Variants in PDE3A observed in about 807,000 individuals in gnomAD.
PDE3A encodes the protein cGMP-inhibited 3',5'-cyclic phosphodiesterase 3A.
PDE3A carries 43 observed loss-of-function variants against 98.3 expected under a neutral mutation model. The observed-to-expected ratio is 0.44, with a 90% CI of 0.34 to 0.56. The LOEUF is 0.56. Ranked by LOEUF, PDE3A falls within the 20% of genes least tolerant of loss-of-function variation. PDE3A has a pLI of 0.01. For synonymous variants in PDE3A, 663 were observed against 567.9 expected (o/e 1.17, Z -2.38); for missense variants, 1,427 against 1,440.7 (o/e 0.99, Z 0.15).
intron 2 of PDE3A, among the ~76,000 whole-genome samples, chr12:20,602,152 A>G (rs1053872983): frequency 1.3e-5 from 2 of 152,194 alleles, no homozygotes; most frequent in African/African-American, 4.8e-5. Context: ...TTTGTACTTA[A>G]CCAAGCCTTC....
rs11613220 is a variant in PDE3A at position 20,510,169 on chromosome 12, T to A, written c.961-46491T>A. 1.7e-3 allele frequency among the ~76,000 whole-genome samples: 251 copies of A among 152,030 alleles called. 2 individuals carry two copies. The highest frequency in any genetic ancestry group is 5.9e-3 in the African/African-American group (243 of 41,520). On this transcript the variant is annotated intron_variant, in intron 1 of 15. Coordinates refer to ENST00000359062, the MANE Select transcript of PDE3A (RefSeq NM_000921.5). ...TTTCTTCTAAATTTTTTCATTTAGC[T>A]GATTTTTAACATAGTTCTTTAATAC... is the stretch of plus-strand genomic sequence containing the variant.
At chr12:20,493,511 C>G (rs1014887869) in intron 1 of PDE3A, among the ~76,000 whole-genome samples, 2 of 152,164 alleles carry the variant, frequency 1.3e-5, no homozygotes, top group African/African-American at 2.4e-5. Flanking sequence ...GGTCCTAGAG[C>G]AAATTCCCCT....
intron 1 of PDE3A, among the ~76,000 whole-genome samples, chr12:20,473,151 A>C (rs1945469767): frequency 6.6e-6 from 1 of 152,188 alleles, no homozygotes; most frequent in African/African-American, 2.4e-5. Flanking sequence ...TTGAATTATG[A>C]ATATTATGCA....
chr12:20,503,507 T>C (rs1946060422), intron 1 of PDE3A, among the ~76,000 whole-genome samples: 1 of 152,082 alleles, frequency 6.6e-6, no homozygotes, highest in Non-Finnish European at 1.5e-5. Context: ...AAAAATTCCA[T>C]CAGTCAGAAA....
intron 15 of PDE3A, among the ~76,000 whole-genome samples, chr12:20,667,995 C>T (rs150945915): frequency 0.053 from 8,072 of 152,100 alleles, 414 homozygotes; most frequent in Middle Eastern, 0.18. Context: ...GTGCGCGCAC[C>T]GTGCGCGAGC....
In PDE3A at chr12:20,684,126, GT is replaced by G. The variant is rs1945882784; in HGVS notation, c.*3856del. ...TAATTTATAAAAGTGAACTAATTGT[GT>G]GATTATCAAATCCTGATTAATGAGA... On this transcript the variant is annotated 3_prime_UTR_variant, in exon 16 of 16. Coordinates refer to ENST00000359062, the MANE Select transcript of PDE3A (RefSeq NM_000921.5). The G allele has an allele frequency of 6.6e-6, 1 of 152,092 alleles. No individual in the cohort carries two copies. Among genetic ancestry groups the G allele is most frequent in the South Asian group, 2.1e-4 (1 of 4,822 alleles). 9.4% of individuals were successfully genotyped at this position (152,092 alleles called of 1,614,324 possible).
chr12:20,607,824 TTG>T (rs1228303568), intron 2 of PDE3A, among the ~76,000 whole-genome samples: 1 of 152,150 alleles, frequency 6.6e-6, no homozygotes, highest in Non-Finnish European at 1.5e-5. Flanking sequence ...TGGTTTCAGA[TTG>T]TTAGTTTTAA....
At chr12:20,677,260 G>A (rs1945665254) in intron 15 of PDE3A, among the ~76,000 whole-genome samples, 1 of 151,890 alleles carries the variant, frequency 6.6e-6, no homozygotes, top group African/African-American at 2.4e-5. Context: ...CTGAGTTGTA[G>A]TCTATCTCAC....
At position 20,382,454 on chromosome 12, in the gene PDE3A, A is replaced by G. The variant is rs527711556; in HGVS notation, c.960+12210A>G. On this transcript the variant is annotated intron_variant, in intron 1 of 15. Coordinates refer to ENST00000359062, the MANE Select transcript of PDE3A (RefSeq NM_000921.5). ...TTGATTTCATTTCTTTGAAGTTCAA[A>G]AAAACTTCATTGATGATACCTCAAA... 2.6e-5 allele frequency among the ~76,000 whole-genome samples: 4 copies of G among 152,062 alleles called. No individual in the cohort carries two copies. In the East Asian group the frequency reaches 5.8e-4, roughly 22 times the overall value.
chr12:20,638,713 C>G (rs751533810), intron 9 of PDE3A, among the ~76,000 whole-genome samples: 16 of 152,106 alleles, frequency 1.1e-4, no homozygotes, highest in Non-Finnish European at 1.9e-4. Context: ...GGCAATGAGT[C>G]AGGAAGCATT....
At chr12:20,429,762 T>C (rs1474059362) in intron 1 of PDE3A, among the ~76,000 whole-genome samples, 1 of 152,216 alleles carries the variant, frequency 6.6e-6, no homozygotes, top group Non-Finnish European at 1.5e-5. Context: ...TTTCTAGTTA[T>C]TGTTGATGTT....
intron 1 of PDE3A, among the ~76,000 whole-genome samples, chr12:20,479,751 G>T (rs530131622): frequency 6.6e-6 from 1 of 152,124 alleles, no homozygotes; most frequent in Non-Finnish European, 1.5e-5. Context: ...AGCTTCAGTC[G>T]CCATTGCTTT....
At chr12:20,540,062 C>G (rs535262288) in intron 1 of PDE3A, among the ~76,000 whole-genome samples, 1 of 152,164 alleles carries the variant, frequency 6.6e-6, no homozygotes, top group South Asian at 2.1e-4. Context: ...TAAACTGTAA[C>G]AGGACTAGAT....
At chr12:20,557,026 A>T in intron 2 of PDE3A, 4 of 271,914 alleles carry the variant, frequency 1.5e-5, no homozygotes, top group Non-Finnish European at 2.7e-5. Context: ...TCCTTTGACA[A>T]TTTTTCCGTG....
chr12:20,685,671 A>G lies in PDE3A; in HGVS notation c.*5400A>G, dbSNP rs1374053390. Reference sequence around the variant, plus strand: ...TTCCAGATACAGCTAGTTTTTCTCCACATGTTTTTAAGGTTGATTTCCTTG... The same window carrying G: ...TTCCAGATACAGCTAGTTTTTCTCCGCATGTTTTTAAGGTTGATTTCCTTG... On this transcript the variant is annotated 3_prime_UTR_variant, in exon 16 of 16. Coordinates refer to ENST00000359062, the MANE Select transcript of PDE3A (RefSeq NM_000921.5). Among the ~76,000 whole-genome samples the G allele has an allele frequency of 1.3e-5, 2 of 152,158 alleles. No individual in the cohort carries two copies. The highest frequency in any genetic ancestry group is 4.8e-5 in the African/African-American group (2 of 41,454).
At position 20,369,362 on chromosome 12, in the gene PDE3A, C is replaced by A; in HGVS notation, c.78C>A (p.Gly26=). ...GGGTGAGTCAAGCCCCCACGGCGGG[C>A]CGGGACTGCCACCATCGTGCGGACC... ...HSGVSQAPTA[G]RDCHHRADPA... is the part of the protein sequence containing the mutation. The change falls in exon 1 of 16, where the codon GGC becomes GGA. Residue 26 remains glycine (G), a synonymous_variant. Coordinates refer to ENST00000359062, the MANE Select transcript of PDE3A (RefSeq NM_000921.5). The A allele has an allele frequency of 1.9e-6, 3 of 1,548,994 alleles. No individual in the cohort carries two copies. Among genetic ancestry groups the A allele is most frequent in the Non-Finnish European group, 2.6e-6 (3 of 1,146,752 alleles).
At chr12:20,663,167 C>T (rs931792332) in intron 15 of PDE3A, among the ~76,000 whole-genome samples, 1 of 152,208 alleles carries the variant, frequency 6.6e-6, no homozygotes, top group Non-Finnish European at 1.5e-5. Context: ...GTCTGGGAAC[C>T]TCCACCTAGA....
intron 1 of PDE3A, among the ~76,000 whole-genome samples, chr12:20,385,092 T>C (rs1943729335): frequency 6.6e-6 from 1 of 152,024 alleles, no homozygotes; most frequent in Non-Finnish European, 1.5e-5. Flanking sequence ...TTCTAGGTCT[T>C]TGAGGAATCA....
At chr12:20,655,324 A>G (rs1945018284) in intron 15 of PDE3A, among the ~76,000 whole-genome samples, 1 of 152,196 alleles carries the variant, frequency 6.6e-6, no homozygotes, top group Non-Finnish European at 1.5e-5. Context: ...CTGTATGTGG[A>G]AAGAGGATTC....
Sources: gnomAD v4.1 joint callset for allele counts (sites outside exome capture counted in the v4.1 genomes callset) on GRCh38, gnomAD v4.1.1 for gene constraint, MANE v1.5 for transcripts, NCBI Gene and HGNC (gene_info 2026-07-23, HGNC 2026-07-21) for gene names.